The following PITPNM3 variants were observed in gnomAD, a reference collection of about 807,000 sequenced individuals.
The protein encoded by PITPNM3 is PITPNM family member 3.
In PITPNM3, 26 loss-of-function variants were observed where a neutral mutation model predicts 102.0. That is an observed-to-expected ratio of 0.25 (90% CI 0.19 to 0.35). The LOEUF (loss-of-function observed/expected upper bound fraction) is 0.35. PITPNM3 is among the 10% of genes least tolerant of loss of function. The pLI is 1.00. For synonymous variants in PITPNM3, 578 were observed against 558.6 expected, an observed-to-expected ratio of 1.03 and a Z score of -0.49; for missense variants, 1,083 against 1,346.1, an observed-to-expected ratio of 0.80 and a Z score of 3.06.
At chr17:6,484,427 G>T in intron 4 of PITPNM3, 135 bp from the exon 5 acceptor site, 2 of 872,654 alleles carry the variant, frequency 2.3e-6, no homozygotes, top group Non-Finnish European at 3.8e-6. Context: ...TCTGGAGCTA[G>T]GGAGAGTCAC....
chr17:6,508,252 G>C (rs781451256), intron 3 of PITPNM3, among the ~76,000 whole-genome samples: 18 of 152,248 alleles, frequency 1.2e-4, no homozygotes, highest in Non-Finnish European at 1.9e-4. Flanking sequence ...CCAGCCCTGA[G>C]TGCGGCCTCA....
At chr17:6,510,707 A>T (rs550055566) in intron 3 of PITPNM3, among the ~76,000 whole-genome samples, 1 of 152,356 alleles carries the variant, frequency 6.6e-6, no homozygotes, top group East Asian at 1.9e-4. Context: ...GAGGAAAGGG[A>T]CACACCCAGA....
intron 4 of PITPNM3, among the ~76,000 whole-genome samples, chr17:6,495,907 G>C (rs1037975414): frequency 3.9e-5 from 6 of 152,166 alleles, no homozygotes; most frequent in Non-Finnish European, 8.8e-5. Flanking sequence ...TGCCCCTCCA[G>C]AGCCTCAGTG....
rs55839764 is a variant in PITPNM3, at chr17:6,505,195, A to AATATATATATATATATATATAT, written c.227-1622_227-1621insATATATATATATATATATATAT. ...CGTCTCCAAAAAAGAAGACAAATAA[A>AATATATATATATATATATATAT]ATATATATATATATATATATGTAAA... On this transcript the variant is annotated intron_variant, in intron 3 of 19. Transcript: ENST00000262483. 2.5e-3 allele frequency among the ~76,000 whole-genome samples: 345 copies of AATATATATATATATATATATAT among 136,196 alleles called. 2 individuals carry two copies. The highest frequency in any genetic ancestry group is 4.8e-3 in the East Asian group (23 of 4,782). The allele number at this position is 136,196 out of a possible 152,430, so 89.3% of individuals were successfully genotyped here. A position where few individuals can be genotyped will look rare whatever the true frequency, so the allele number is the denominator to read the frequency against.
intron 8 of PITPNM3, among the ~76,000 whole-genome samples, chr17:6,477,706 C>T (rs758472609): frequency 1.3e-5 from 2 of 152,090 alleles, no homozygotes; most frequent in African/African-American, 4.8e-5. Flanking sequence ...CCACCATGCC[C>T]GGCTAATTTT....
At chr17:6,461,673 T>C (rs1904468239) in intron 17 of PITPNM3, 117 bp from the exon 18 acceptor site, 3 of 1,222,630 alleles carry the variant, frequency 2.5e-6, no homozygotes, top group Non-Finnish European at 3.6e-6. Context: ...GTCTGAGGCG[T>C]GCTAGGGAGA....
At chr17:6,491,837 A>ATATATATAT (rs61304274) in intron 4 of PITPNM3, among the ~76,000 whole-genome samples, 2 of 18,810 alleles carry the variant, frequency 1.1e-4, no homozygotes, top group African/African-American at 3.0e-4. Flanking sequence ...ATATATATAT[A>ATATATATAT]ATAAAGAATT....
chr17:6,521,876 G>A (rs932164116), intron 3 of PITPNM3, among the ~76,000 whole-genome samples: 3 of 152,206 alleles, frequency 2.0e-5, no homozygotes, highest in Non-Finnish European at 4.4e-5. Context: ...AGGAGCTGAT[G>A]TGGCACCCAC....
intron 1 of PITPNM3, among the ~76,000 whole-genome samples, chr17:6,553,154 A>T (rs997286982): frequency 6.6e-6 from 1 of 151,718 alleles, no homozygotes; most frequent in Non-Finnish European, 1.5e-5. Context: ...GTCTCAAGCC[A>T]CTCACTGGCC....
chr17:6,553,985 C>T (rs1370348512), intron 1 of PITPNM3, among the ~76,000 whole-genome samples: 1 of 152,116 alleles, frequency 6.6e-6, no homozygotes, highest in East Asian at 1.9e-4. Flanking sequence ...ACACACATTA[C>T]TGTGTGTTGT....
chr17:6,525,486 G>T, intron 2 of PITPNM3, 23 bp from the exon 3 acceptor site: 1 of 1,578,486 alleles, frequency 6.3e-7, no homozygotes, highest in Non-Finnish European at 8.7e-7. Flanking sequence ...GCAGCGGTGA[G>T]CAGAAGCAGG....
chr17:6,492,782 G>A (rs1005420199), intron 4 of PITPNM3, among the ~76,000 whole-genome samples: 5 of 152,038 alleles, frequency 3.3e-5, no homozygotes, highest in African/African-American at 9.7e-5. Context: ...GCTTGAACTC[G>A]GCAGGTGGAG....
At position 6,542,183 on chromosome 17, in the gene PITPNM3, C is replaced by T. The variant is rs144818704; in HGVS notation, c.23-4101G>A. Among the ~76,000 whole-genome samples the T allele has an allele frequency of 8.5e-5, 13 of 152,346 alleles. 1 individual carries two copies. The East Asian group carries it at 2.5e-3, about 29-fold the overall frequency. ...ATGGGGGCCCTAGCCCTGGGGGGCTCAGCTGTCCCAGTTCTAGAACCATCT... is the reference window on the plus strand; with the variant it reads ...ATGGGGGCCCTAGCCCTGGGGGGCTTAGCTGTCCCAGTTCTAGAACCATCT... On this transcript the variant is annotated intron_variant, in intron 1 of 19. Coordinates refer to ENST00000262483, the MANE Select transcript of PITPNM3 (RefSeq NM_031220.4).
At position 6,527,779 on chromosome 17, in the gene PITPNM3, A is replaced by G. The variant is rs117735917; in HGVS notation, c.119-2316T>C. 5.9e-3 allele frequency among the ~76,000 whole-genome samples: 899 copies of G among 152,342 alleles called. 2 individuals carry two copies. Among genetic ancestry groups the G allele is most frequent in the Non-Finnish European group, 9.8e-3 (670 of 68,032 alleles). On this transcript the variant is annotated intron_variant, in intron 2 of 19. Transcript: ENST00000262483. ...GGAATCCAGTTTTGTGAAAAACATG[A>G]TAGAAATACCTCTGACATAAGCTAA...
At chr17:6,515,924 T>C (rs541746464) in intron 3 of PITPNM3, among the ~76,000 whole-genome samples, 57 of 152,288 alleles carry the variant, frequency 3.7e-4, no homozygotes, top group African/African-American at 1.2e-3. Context: ...CATACGCATG[T>C]AATCCTAGCA....
At chr17:6,522,853 G>A (rs764377096) in intron 3 of PITPNM3, among the ~76,000 whole-genome samples, 11 of 152,110 alleles carry the variant, frequency 7.2e-5, no homozygotes, top group African/African-American at 1.4e-4. Flanking sequence ...CTGATCTGTC[G>A]CTTCCACTCT....
chr17:6,531,045 G>A (rs541036144), intron 2 of PITPNM3, among the ~76,000 whole-genome samples: 2 of 152,324 alleles, frequency 1.3e-5, no homozygotes, highest in South Asian at 2.1e-4. Flanking sequence ...GGCACTCCCA[G>A]TAACACTATC....
intron 4 of PITPNM3, among the ~76,000 whole-genome samples, chr17:6,485,838 C>T (rs915912341): frequency 1.3e-5 from 2 of 152,198 alleles, no homozygotes; most frequent in African/African-American, 2.4e-5. Flanking sequence ...CAAATCTGCC[C>T]CACTGCCTGT....
intron 3 of PITPNM3, among the ~76,000 whole-genome samples, chr17:6,522,150 G>C (rs973448310): frequency 6.6e-6 from 1 of 152,118 alleles, no homozygotes; most frequent in East Asian, 1.9e-4. Flanking sequence ...AGGAAACAAG[G>C]CCGGTCTTTA....
Sources: allele counts gnomAD v4.1 joint callset (sites outside exome capture counted in the v4.1 genomes callset), GRCh38; gene constraint gnomAD v4.1.1; transcripts MANE v1.5; gene names NCBI Gene and HGNC (gene_info 2026-07-23, HGNC 2026-07-21).